The following NPLOC4 variants were observed in gnomAD, a reference collection of about 807,000 sequenced individuals.
NPLOC4 encodes the protein nuclear protein localization protein 4 homolog.
Under a neutral mutation model 80.6 loss-of-function variants are expected in NPLOC4, and 18 were observed. That is an observed-to-expected ratio of 0.22 (90% CI 0.15 to 0.33). The LOEUF (loss-of-function observed/expected upper bound fraction) is 0.33. NPLOC4 is among the 10% of genes least tolerant of loss of function. The pLI, the probability that NPLOC4 is intolerant of heterozygous loss-of-function variation, is 1.00. For synonymous variants in NPLOC4, 313 were observed against 301.5 expected (o/e 1.04, Z -0.39); for missense variants, 540 against 786.1 (o/e 0.69, Z 3.74).
chr17:81,565,966 C>T (rs1391022599), intron 15 of NPLOC4, among the ~76,000 whole-genome samples: 1 of 152,220 alleles, frequency 6.6e-6, no homozygotes, highest in African/African-American at 2.4e-5. Context: ...CATTTCATCC[C>T]TCTGCCTCTT....
chr17:81,607,878 T>C (rs889939651), intron 6 of NPLOC4, among the ~76,000 whole-genome samples: 1 of 152,232 alleles, frequency 6.6e-6, no homozygotes, highest in African/African-American at 2.4e-5. Context: ...CAGGCGAATA[T>C]GACATCCTTC....
chr17:81,635,288 G>A (rs1266762279), intron 1 of NPLOC4, among the ~76,000 whole-genome samples: 1 of 147,796 alleles, frequency 6.8e-6, no homozygotes, highest in African/African-American at 2.5e-5. Flanking sequence ...GCAGTAAGCA[G>A]AGATCGCACC....
chr17:81,595,161 G>T (rs184675277), intron 11 of NPLOC4, among the ~76,000 whole-genome samples: 39 of 152,080 alleles, frequency 2.6e-4, no homozygotes, highest in Non-Finnish European at 5.4e-4. Flanking sequence ...CTCCCAAAAT[G>T]CTATGATTAC....
At chr17:81,599,133 A>T (rs2034998493) in intron 9 of NPLOC4, among the ~76,000 whole-genome samples, 1 of 152,148 alleles carries the variant, frequency 6.6e-6, no homozygotes, top group South Asian at 2.1e-4. Context: ...TATTAAAAAT[A>T]CAAAAATTAA....
At chr17:81,631,462 TCC>T (rs79975064) in intron 1 of NPLOC4, among the ~76,000 whole-genome samples, 3 of 123,828 alleles carry the variant, frequency 2.4e-5, no homozygotes, top group East Asian at 2.2e-4. Context: ...TTTTTTTTTT[TCC>T]CCCACGGCAA....
intron 7 of NPLOC4, among the ~76,000 whole-genome samples, chr17:81,604,982 T>C (rs558197898): frequency 6.1e-4 from 93 of 152,056 alleles, no homozygotes; most frequent in Middle Eastern, 3.4e-3. Flanking sequence ...ACATCTGGGC[T>C]GGGCGCAGTG....
At chr17:81,602,790 A>C (rs930522783) in intron 8 of NPLOC4, among the ~76,000 whole-genome samples, 5 of 151,840 alleles carry the variant, frequency 3.3e-5, no homozygotes, top group African/African-American at 1.2e-4. Flanking sequence ...TTGTAATCCC[A>C]GAATTTTGGT....
chr17:81,597,575 G>A (rs1029249451), intron 9 of NPLOC4, among the ~76,000 whole-genome samples: 9 of 151,320 alleles, frequency 5.9e-5, no homozygotes, highest in South Asian at 4.2e-4. Context: ...ACCCGAGGTC[G>A]GGAGTTCGAG....
intron 9 of NPLOC4, among the ~76,000 whole-genome samples, chr17:81,598,839 T>C (rs776707901): frequency 9.9e-5 from 15 of 152,226 alleles, no homozygotes; most frequent in Non-Finnish European, 2.2e-4. Flanking sequence ...CCAGCAGACA[T>C]GACTAGCCCA....
At position 81,600,336 on chromosome 17, in the gene NPLOC4, A is replaced by G; in HGVS notation, c.921+5T>C. ...CCCCTGCTTGGCTGCCGGATGCCTC[A>G]GTACCTTCCGCAGGCCAAGTTTGGC... On this transcript the variant is annotated splice_donor_5th_base_variant and intron_variant, in intron 9 of 16. Transcript: ENST00000331134. 2 of 1,607,276 alleles carry G rather than the reference A, an allele frequency of 1.2e-6. No homozygotes were observed. Among genetic ancestry groups the G allele is most frequent in the Admixed American group, 1.7e-5 (1 of 59,336 alleles).
chr17:81,622,934 C>T (rs547388381), intron 2 of NPLOC4, among the ~76,000 whole-genome samples: 56 of 152,100 alleles, frequency 3.7e-4, no homozygotes, highest in Non-Finnish European at 5.9e-4. Flanking sequence ...GTGGCTCATG[C>T]CTGTAATCCC....
rs1311761937 is a variant in NPLOC4, at chr17:81,610,264, G to C, written c.387-6C>G. The C allele has an allele frequency of 1.9e-6, 3 of 1,568,488 alleles. No homozygotes were observed. The highest frequency in any genetic ancestry group is 2.4e-5 in the South Asian group (2 of 84,888). Reference sequence around the variant, plus strand: ...CCAAAGGGCCGTGGCGGCATCTGAGGAGAGTACAAGGCAGAAAAAGGCAGA... The same window carrying C: ...CCAAAGGGCCGTGGCGGCATCTGAGCAGAGTACAAGGCAGAAAAAGGCAGA... On this transcript the variant is annotated splice_polypyrimidine_tract_variant and splice_region_variant and intron_variant, in intron 4 of 16. Coordinates refer to ENST00000331134, the MANE Select transcript of NPLOC4 (RefSeq NM_017921.4).
Position 81,613,401 on chromosome 17 carries a change from G to A in NPLOC4, c.303C>T (p.Gly101=), listed in dbSNP as rs774905196. 7.4e-6 allele frequency: 12 copies of A among 1,613,928 alleles called. No homozygotes were observed. The highest frequency in any genetic ancestry group is 4.0e-5 in the African/African-American group (3 of 75,008). Residue 101 remains glycine, a synonymous_variant, in exon 4 of 17, where the codon GGC becomes GGT. Coordinates refer to ENST00000331134, the MANE Select transcript of NPLOC4 (RefSeq NM_017921.4). ...TCTCATCCTCCACCACGTTGGGAGC[G>A]CCAAAGACTTTGAAGCCCGGTGGAA... ...TSVPPGFKVF[G]APNVVEDEID... is the part of the protein sequence containing the mutation.
chr17:81,626,864 CG>C (rs1423070011), intron 2 of NPLOC4, among the ~76,000 whole-genome samples: 1 of 151,034 alleles, frequency 6.6e-6, no homozygotes. Context: ...CTGAGGCGGG[CG>C]GATCACCTGA....
In NPLOC4 at chr17:81,627,099, A is replaced by AG. The variant is rs977616046; in HGVS notation, c.96+2625_96+2626insC. Among the ~76,000 whole-genome samples the AG allele has an allele frequency of 5.3e-5, 8 of 151,828 alleles. No individual in the cohort carries two copies. The East Asian group carries it at 9.7e-4, about 18-fold the overall frequency. On this transcript the variant is annotated intron_variant, in intron 2 of 16. Coordinates refer to ENST00000331134, the MANE Select transcript of NPLOC4 (RefSeq NM_017921.4). ...AATGAGACTTCGTCTCAAAAAAAAAAAAGAAAAAGGGCCAGGTGTGGTGGC... is the reference window on the plus strand; with the variant it reads ...AATGAGACTTCGTCTCAAAAAAAAAAGAAGAAAAAGGGCCAGGTGTGGTGGC...
At chr17:81,597,362 G>T in intron 9 of NPLOC4, 46 bp from the exon 10 acceptor site, 2 of 1,476,388 alleles carry the variant, frequency 1.4e-6, no homozygotes, top group Non-Finnish European at 1.9e-6. Flanking sequence ...CAAGATAGAC[G>T]ATGAATGGCT....
chr17:81,565,440 G>C, intron 16 of NPLOC4, 65 bp downstream of exon 16: 1 of 1,333,126 alleles, frequency 7.5e-7, no homozygotes, highest in Non-Finnish European at 1.0e-6. Flanking sequence ...GTGGGGAGCT[G>C]TGCAGAGTGG....
chr17:81,625,875 G>A (rs1015974922), intron 2 of NPLOC4, among the ~76,000 whole-genome samples: 14 of 152,176 alleles, frequency 9.2e-5, no homozygotes, highest in African/African-American at 1.4e-4. Flanking sequence ...AGGGTTGGGC[G>A]CGGAGGTTCA....
Position 81,637,004 on chromosome 17 carries a change from G to A in NPLOC4, c.-74C>T. ...CCGCCCCAAGGGCCTCGCAGACCCG[G>A]CCGCGGCCTCAGCCCCGGCCCCGGC... On this transcript the variant is annotated 5_prime_UTR_variant, in exon 1 of 17. Transcript: ENST00000331134. 1 of 1,037,032 alleles carries A rather than the reference G, an allele frequency of 9.6e-7. No homozygotes were observed. The allele number at this position is 1,037,032 out of a possible 1,614,324, so 64.2% of individuals were successfully genotyped here.
Sources: gnomAD v4.1 joint callset for allele counts (sites outside exome capture counted in the v4.1 genomes callset) on GRCh38, gnomAD v4.1.1 for gene constraint, MANE v1.5 for transcripts, NCBI Gene and HGNC (gene_info 2026-07-23, HGNC 2026-07-21) for gene names.